The following GFRA3 variants were observed in gnomAD, a reference collection of about 807,000 sequenced individuals.
GFRA3 encodes GDNF family receptor alpha-3.
GFRA3 carries 24 observed loss-of-function variants against 40.0 expected under a neutral mutation model. That is an observed-to-expected ratio of 0.60 (90% CI 0.43 to 0.84). The LOEUF (loss-of-function observed/expected upper bound fraction) is 0.84. Among genes scored for constraint, GFRA3 ranks in the 40% least tolerant of loss-of-function variants. The pLI, the probability that GFRA3 is intolerant of heterozygous loss-of-function variation, is 0.00. For missense variants in GFRA3, 405 were observed against 530.6 expected (o/e 0.76, Z 2.33); for synonymous variants, 203 against 213.5 (o/e 0.95, Z 0.43).
At chr5:138,258,201 A>C (rs1755662102) in intron 3 of GFRA3, among the ~76,000 whole-genome samples, 1 of 43,356 alleles carries the variant, frequency 2.3e-5, no homozygotes, top group Non-Finnish European at 4.1e-5. Context: ...TTTTTTTGAG[A>C]CGGAGTTTTG....
At chr5:138,262,325 C>G (rs537741733) in intron 2 of GFRA3, among the ~76,000 whole-genome samples, 1 of 152,242 alleles carries the variant, frequency 6.6e-6, no homozygotes, top group East Asian at 1.9e-4. Context: ...CAACTACTCC[C>G]GTGGAGTAAA....
chr5:138,269,933 C>T (rs1334517597), intron 1 of GFRA3, among the ~76,000 whole-genome samples: 2 of 151,566 alleles, frequency 1.3e-5, no homozygotes, highest in African/African-American at 4.8e-5. Flanking sequence ...AGTCATTATA[C>T]CAAAAAGATA....
At chr5:138,253,418 G>T in intron 6 of GFRA3, 43 bp from the exon 7 acceptor site, 1 of 1,251,270 alleles carries the variant, frequency 8.0e-7, no homozygotes, top group Non-Finnish European at 1.2e-6. Flanking sequence ...TATGGGGGCA[G>T]GAGATTTCTC....
chr5:138,263,567 A>T (rs1268484423), intron 2 of GFRA3, among the ~76,000 whole-genome samples: 1 of 152,208 alleles, frequency 6.6e-6, no homozygotes, highest in African/African-American at 2.4e-5. Flanking sequence ...CAGAAACTTT[A>T]AAAATCATCA....
At chr5:138,263,677 G>T (rs1199836536) in intron 2 of GFRA3, among the ~76,000 whole-genome samples, 1 of 152,194 alleles carries the variant, frequency 6.6e-6, no homozygotes, top group Non-Finnish European at 1.5e-5. Context: ...GAAGGCCCAT[G>T]AAAGAGCCAA....
chr5:138,260,095 C>G (rs973309913), intron 2 of GFRA3, among the ~76,000 whole-genome samples: 4 of 152,016 alleles, frequency 2.6e-5, no homozygotes, highest in African/African-American at 9.7e-5. Context: ...TTATTTGTTC[C>G]CCACCCCTTG....
chr5:138,257,734 G>A lies in GFRA3; in HGVS notation c.690C>T (p.Arg230=). 1 of 1,609,702 alleles carries A rather than the reference G, an allele frequency of 6.2e-7. No homozygotes were observed. The highest frequency in any genetic ancestry group is 8.5e-7 in the Non-Finnish European group (1 of 1,178,108). Residue 230 remains arginine (R), a synonymous_variant, in exon 4 of 8, where the codon CGC becomes CGT. Coordinates refer to ENST00000274721, the MANE Select transcript of GFRA3 (RefSeq NM_001496.4). ...CAPNDRGCGE[R]RRNTIAPNCA... ...AGTTGGGGGCGATGGTGTTGCGCCG[G>A]CGCTCCCCGCAGCCCCGGTCGTTGG...
intron 2 of GFRA3, 83 bp from the exon 3 acceptor site, chr5:138,259,732 C>T: frequency 1.3e-6 from 1 of 774,708 alleles, no homozygotes. Flanking sequence ...GCTCAGACCT[C>T]AAAGGCCTGT....
chr5:138,258,603 C>T (rs1755669275), intron 3 of GFRA3, among the ~76,000 whole-genome samples: 1 of 152,166 alleles, frequency 6.6e-6, no homozygotes, highest in Non-Finnish European at 1.5e-5. Flanking sequence ...TACCTCTTTC[C>T]TCAGTGCTAT....
At position 138,257,823 on chromosome 5, in the gene GFRA3, G is replaced by A. The variant is rs1458053366; in HGVS notation, c.601C>T (p.Leu201Phe). ...TCGGCGGCCTTCTCGAAGAAAGTGA[G>A]CAGCTGCCTGAGGCAGACGTGGCGC... ...CQRHVCLRQL[L>F]TFFEKAAEPH... The change falls in exon 4 of 8, where the codon CTC (leucine) becomes TTC (phenylalanine). Residue 201 changes from leucine to phenylalanine, a missense_variant. Coordinates refer to ENST00000274721, the MANE Select transcript of GFRA3 (RefSeq NM_001496.4). The A allele has an allele frequency of 1.2e-6, 2 of 1,613,762 alleles. No individual in the cohort carries two copies. Among genetic ancestry groups the A allele is most frequent in the African/African-American group, 2.7e-5 (2 of 75,054 alleles).
intron 4 of GFRA3, among the ~76,000 whole-genome samples, chr5:138,256,540 CA>C (rs71585110): frequency 1.5e-5 from 2 of 131,508 alleles, no homozygotes; most frequent in Non-Finnish European, 3.2e-5. Context: ...AAAAAACAAA[CA>C]AAAAAAAACA....
intron 4 of GFRA3, among the ~76,000 whole-genome samples, chr5:138,255,893 C>CTT (rs1417203644): frequency 5.3e-5 from 7 of 131,818 alleles, no homozygotes; most frequent in Non-Finnish European, 9.9e-5. Flanking sequence ...GAGCAAGACT[C>CTT]TGTCTCAAAA....
At chr5:138,254,192 T>TC (rs1561648406) in intron 4 of GFRA3, 32 bp from the exon 5 acceptor site, 8 of 1,312,670 alleles carry the variant, frequency 6.1e-6, no homozygotes, top group Non-Finnish European at 8.8e-6. Flanking sequence ...TCTTTCTTTT[T>TC]TTTTTTTTTT....
At chr5:138,258,329 C>T (rs537562990) in intron 3 of GFRA3, among the ~76,000 whole-genome samples, 15 of 151,772 alleles carry the variant, frequency 9.9e-5, no homozygotes, top group Admixed American at 3.3e-4. Flanking sequence ...TACACGCATG[C>T]GCCACGACGC....
chr5:138,260,772 A>C (rs898005130), intron 2 of GFRA3, among the ~76,000 whole-genome samples: 1 of 151,478 alleles, frequency 6.6e-6, no homozygotes. Context: ...ATCTGAAAAA[A>C]AAAAAATGCA....
At position 138,264,306 on chromosome 5, in the gene GFRA3, C is replaced by T. The variant is rs745808248; in HGVS notation, c.334G>A (p.Ala112Thr). 5 of 1,611,688 alleles carry T rather than the reference C, an allele frequency of 3.1e-6. No homozygotes were observed. The highest frequency in any genetic ancestry group is 1.1e-5 in the South Asian group (1 of 91,004). Residue 112 changes from alanine (A) to threonine (T), a missense_variant, in exon 2 of 8, where the codon GCC becomes ACC. By Grantham distance (58) the Ala-to-Thr change is moderately conservative (BLOSUM62 0). Transcript: ENST00000274721. The part of the protein sequence containing the change: ...MCHRRMKNQV[A>T]CLDIYWTVHR... Reference sequence around the variant, plus strand: ...ACGGTCCAATAGATGTCCAAGCAGGCAACCTGGTTCTTCATGCGCCGGTGG... The same window carrying T: ...ACGGTCCAATAGATGTCCAAGCAGGTAACCTGGTTCTTCATGCGCCGGTGG...
intron 1 of GFRA3, among the ~76,000 whole-genome samples, chr5:138,271,903 T>TG (rs1452490281): frequency 3.8e-4 from 36 of 94,998 alleles, no homozygotes; most frequent in African/African-American, 9.9e-4. Context: ...TTTTTTTTTT[T>TG]TTTTTTTTTT....
Position 138,259,610 on chromosome 5 carries a change from A to G in GFRA3, c.419T>C (p.Val140Ala), listed in dbSNP as rs1246161674. 12 of 1,566,014 alleles carry G rather than the reference A, an allele frequency of 7.7e-6. No homozygotes were observed. Among genetic ancestry groups the G allele is most frequent in the Admixed American group, 1.7e-5 (1 of 59,936 alleles). ...ELDVSPYEDT[V>A]TSKPWKMNLS... ...ATTCATTTTCCAGGGTTTGCTGGTC[A>G]CTGTGTCTTCATAGGGGGAGACATC... The change falls in exon 3 of 8, where the codon GTG becomes GCG. Residue 140 changes from valine to alanine, a missense_variant. Coordinates refer to ENST00000274721, the MANE Select transcript of GFRA3 (RefSeq NM_001496.4).
chr5:138,273,380 G>C (rs991821143), intron 1 of GFRA3, among the ~76,000 whole-genome samples: 2 of 152,206 alleles, frequency 1.3e-5, no homozygotes, highest in African/African-American at 4.8e-5. Context: ...TAATGAGAAA[G>C]GTGTTTAATG....
Sources: allele counts gnomAD v4.1 joint callset (sites outside exome capture counted in the v4.1 genomes callset), GRCh38; gene constraint gnomAD v4.1.1; transcripts MANE v1.5; gene names NCBI Gene and HGNC (gene_info 2026-07-23, HGNC 2026-07-21).